The following KDM4B variants were observed in gnomAD, a reference collection of about 807,000 sequenced individuals.
KDM4B encodes the protein lysine-specific demethylase 4B.
KDM4B carries 32 observed loss-of-function variants against 125.2 expected under a neutral mutation model. That is an observed-to-expected ratio of 0.26 (90% CI 0.19 to 0.34). KDM4B has a LOEUF of 0.34. KDM4B is among the 10% of genes least tolerant of loss of function. The probability of loss-of-function intolerance (pLI) is 1.00; values close to 1 mark genes in which losing one functional copy is unlikely to be tolerated. For missense variants in KDM4B, 1,190 were observed against 1,577.7 expected, an observed-to-expected ratio of 0.75 and a Z score of 4.16; for synonymous variants, 721 against 677.9, an observed-to-expected ratio of 1.06 and a Z score of -0.99.
In KDM4B at chr19:5,041,134, C is replaced by A. The variant is rs765796330; in HGVS notation, c.318-3C>A. ...AGCTGGTTTTGGGGTGTTTGTTCAC[C>A]AGGTACTGTACCCCGCGGCACCAGG... is the stretch of plus-strand genomic sequence containing the variant. On this transcript the variant is annotated splice_region_variant and splice_polypyrimidine_tract_variant and intron_variant, in intron 4 of 22. Coordinates refer to ENST00000159111, the MANE Select transcript of KDM4B (RefSeq NM_015015.3). 2 of 1,602,806 alleles carry A rather than the reference C, an allele frequency of 1.2e-6. No homozygotes were observed.
At chr19:5,014,009 C>G (rs1377791919) in intron 1 of KDM4B, among the ~76,000 whole-genome samples, 2 of 152,238 alleles carry the variant, frequency 1.3e-5, no homozygotes, top group African/African-American at 4.8e-5. Context: ...CCTGCTGTTC[C>G]CTTCCTACCC....
chr19:5,096,289 T>C (rs1226438531), intron 9 of KDM4B, among the ~76,000 whole-genome samples: 2 of 152,126 alleles, frequency 1.3e-5, no homozygotes, highest in African/African-American at 2.4e-5. Flanking sequence ...TTCTCCATGT[T>C]GGCCAGGCTG....
At chr19:5,041,014 G>A (rs549835512) in intron 4 of KDM4B, 123 bp from the exon 5 acceptor site, 8 of 593,746 alleles carry the variant, frequency 1.3e-5, no homozygotes, top group African/African-American at 3.8e-5. Context: ...GCGGGGCAGC[G>A]GGCAGTCGGA....
At chr19:5,049,136 ACAGTGGCTCCCTGGAGGCGG>A (rs2037137420) in intron 6 of KDM4B, among the ~76,000 whole-genome samples, 1 of 152,098 alleles carries the variant, frequency 6.6e-6, no homozygotes, top group South Asian at 2.1e-4. Flanking sequence ...GGAGGAGGCG[ACAGTGGCTCCCTGGAGGCGG>A]CAGTGGGGCC....
intron 18 of KDM4B, chr19:5,140,183 G>C (rs2039716242): frequency 6.6e-6 from 1 of 152,608 alleles, no homozygotes; most frequent in Non-Finnish European, 1.5e-5. Context: ...CAGGCCCCCA[G>C]TGTCACCTAC....
In KDM4B at chr19:4,972,580, C is replaced by A. The variant is rs73921815; in HGVS notation, c.-109+3350C>A. ...CACCACCCACCAGATGCTAGTAGCACCCTGTCCCCTAAGCGGTAGCAACCA... is the reference window on the plus strand; with the variant it reads ...CACCACCCACCAGATGCTAGTAGCAACCTGTCCCCTAAGCGGTAGCAACCA... On this transcript the variant is annotated intron_variant, in intron 1 of 22. Coordinates refer to ENST00000159111, the MANE Select transcript of KDM4B (RefSeq NM_015015.3). Among the ~76,000 whole-genome samples, 545 of 152,282 alleles carry A rather than the reference C, an allele frequency of 3.6e-3. 8 individuals are homozygous for A. Among genetic ancestry groups the A allele is most frequent in the African/African-American group, 0.012 (499 of 41,556 alleles).
chr19:5,078,737 A>T lies in KDM4B; in HGVS notation c.780+1267A>T, dbSNP rs777605227. The T allele has an allele frequency of 6.6e-6, 1 of 152,116 alleles. No homozygotes were observed. Among genetic ancestry groups the T allele is most frequent in the Non-Finnish European group, 1.5e-5 (1 of 68,012 alleles). The allele number at this position is 152,116 out of a possible 1,614,324, so 9.4% of individuals were successfully genotyped here. A position where few individuals can be genotyped will look rare whatever the true frequency, so the allele number is the denominator to read the frequency against. On this transcript the variant is annotated intron_variant, in intron 8 of 22. Coordinates refer to ENST00000159111, the MANE Select transcript of KDM4B (RefSeq NM_015015.3). This position sits in a 1 kb window ranked among gnomAD's most constrained non-coding sequence, Gnocchi z 4.5. ...CAGCATCTGTATCGCACTGCAGTTT[A>T]TCTGTAAAGTTCCTGAACCTGAGCC...
chr19:4,976,108 G>A (rs1330020225), intron 1 of KDM4B, among the ~76,000 whole-genome samples: 1 of 151,688 alleles, frequency 6.6e-6, no homozygotes, highest in Non-Finnish European at 1.5e-5. Flanking sequence ...AATTAGTTGG[G>A]CGTGGTGGTG....
chr19:5,003,276 G>A (rs1046962633), intron 1 of KDM4B, among the ~76,000 whole-genome samples: 7 of 152,042 alleles, frequency 4.6e-5, no homozygotes, highest in African/African-American at 1.2e-4. Flanking sequence ...ATCACCTGAG[G>A]TCAGGAGTTC....
intron 1 of KDM4B, among the ~76,000 whole-genome samples, chr19:5,005,483 C>T (rs542377827): frequency 3.3e-5 from 5 of 152,186 alleles, no homozygotes; most frequent in African/African-American, 7.2e-5. Context: ...GAAGACCCCA[C>T]GATGAGGGTG....
intron 9 of KDM4B, among the ~76,000 whole-genome samples, chr19:5,092,660 C>T (rs891351314): frequency 5.9e-5 from 9 of 152,086 alleles, no homozygotes; most frequent in African/African-American, 1.9e-4. Context: ...ATCAGAGGAG[C>T]GGGTCTGCTT....
At chr19:5,128,367 G>A (rs1471462644) in intron 11 of KDM4B, among the ~76,000 whole-genome samples, 1 of 152,190 alleles carries the variant, frequency 6.6e-6, no homozygotes, top group Non-Finnish European at 1.5e-5. Context: ...GGGCCCTCCT[G>A]GGCCAGATCC....
At chr19:5,092,206 C>A (rs2038722823) in intron 9 of KDM4B, among the ~76,000 whole-genome samples, 1 of 152,194 alleles carries the variant, frequency 6.6e-6, no homozygotes, top group Non-Finnish European at 1.5e-5. Flanking sequence ...TCCCTCGGCA[C>A]TGCGGACATT....
intron 9 of KDM4B, among the ~76,000 whole-genome samples, chr19:5,109,576 T>A (rs1412195604): frequency 6.6e-6 from 1 of 152,146 alleles, no homozygotes; most frequent in Non-Finnish European, 1.5e-5. Flanking sequence ...CAAGGGGCCA[T>A]CCTATTGGGT....
intron 9 of KDM4B, among the ~76,000 whole-genome samples, chr19:5,089,156 C>T (rs1159814635): frequency 6.6e-6 from 1 of 152,190 alleles, no homozygotes; most frequent in African/African-American, 2.4e-5. Context: ...TCCTGCGTCG[C>T]ACACCTGGTG....
rs184755540 is a variant in KDM4B, at chr19:5,115,840, A to G, written c.1116-3813A>G. 2.2e-3 allele frequency among the ~76,000 whole-genome samples: 331 copies of G among 152,296 alleles called. 2 individuals carry two copies. The highest frequency in any genetic ancestry group is 7.7e-3 in the African/African-American group (319 of 41,566). On this transcript the variant is annotated intron_variant, in intron 10 of 22. Coordinates refer to ENST00000159111, the MANE Select transcript of KDM4B (RefSeq NM_015015.3). The surrounding 1 kb of genome is among the most constrained non-coding windows in gnomAD (Gnocchi z 4.2). The stretch of plus-strand genomic sequence containing the variant: ...GGAGGCCCTTGAAGAATCCCCTCCC[A>G]CAGCACTGACAGACAGAGCTGGAAG...
At chr19:5,017,299 C>T (rs1235228480) in intron 2 of KDM4B, among the ~76,000 whole-genome samples, 7 of 152,148 alleles carry the variant, frequency 4.6e-5, no homozygotes, top group African/African-American at 1.7e-4. Context: ...ACGTGGTTGG[C>T]AAACTATGGC....
chr19:5,014,108 G>A (rs890747574), intron 1 of KDM4B, among the ~76,000 whole-genome samples: 16 of 152,362 alleles, frequency 1.1e-4, no homozygotes, highest in Non-Finnish European at 1.6e-4. Context: ...CATAGAAAAT[G>A]TCAGAGCTCA....
chr19:5,042,393 G>T (rs953190326), intron 5 of KDM4B, among the ~76,000 whole-genome samples: 2 of 152,050 alleles, frequency 1.3e-5, no homozygotes, highest in Admixed American at 6.6e-5. Flanking sequence ...CCGGCTACTC[G>T]GGAGGCTGAG....
Sources: allele counts gnomAD v4.1 joint callset (sites outside exome capture counted in the v4.1 genomes callset), GRCh38; gene constraint gnomAD v4.1.1; non-coding constraint Gnocchi (gnomAD v3.1); transcripts MANE v1.5; gene names NCBI Gene and HGNC (gene_info 2026-07-23, HGNC 2026-07-21).